MARCHF7: variants seen among roughly 807,000 people sequenced by gnomAD.
MARCHF7 encodes the protein E3 ubiquitin-protein ligase MARCHF7.
Under a neutral mutation model 76.5 loss-of-function variants are expected in MARCHF7, and 20 were observed. The ratio of observed to expected loss-of-function variants is 0.26; its 90% CI spans 0.18 to 0.38. The LOEUF (loss-of-function observed/expected upper bound fraction) is 0.38, where lower values mean the gene tolerates loss of function less well. Ranked by LOEUF, MARCHF7 falls within the 10% of genes least tolerant of loss-of-function variation. The probability of loss-of-function intolerance (pLI) is 1.00; values close to 1 mark genes in which losing one functional copy is unlikely to be tolerated. For synonymous variants in MARCHF7, 295 were observed against 293.0 expected (o/e 1.01, Z -0.07); for missense variants, 797 against 812.9 (o/e 0.98, Z 0.24).
rs1708092130 is a variant in MARCHF7, at chr2:159,770,230, C to CTA, written c.*2890_*2891dup. On this transcript the variant is annotated 3_prime_UTR_variant, in exon 12 of 12. Coordinates refer to ENST00000409175, the MANE Select transcript of MARCHF7 (RefSeq NM_001282805.2). ...GTTCAATATTGACATTAGTAATAGT[C>CTA]TATCAATAATAAAATAGACATCTCA... The CTA allele has an allele frequency of 6.6e-6, 1 of 152,072 alleles. No homozygotes were observed. The highest frequency in any genetic ancestry group is 6.6e-5 in the Admixed American group (1 of 15,266). The allele number at this position is 152,072 out of a possible 1,614,324, so 9.4% of individuals were successfully genotyped here.
intron 9 of MARCHF7, among the ~76,000 whole-genome samples, chr2:159,761,468 G>A (rs1707092394): frequency 7.6e-6 from 1 of 131,042 alleles, no homozygotes; most frequent in South Asian, 2.3e-4. Context: ...AGGCTGGAGT[G>A]CAATGGCATG....
chr2:159,731,993 A>C (rs1476806044), intron 4 of MARCHF7, among the ~76,000 whole-genome samples: 1 of 151,740 alleles, frequency 6.6e-6, no homozygotes, highest in Non-Finnish European at 1.5e-5. Context: ...AGTCCCAGCT[A>C]CTCGGGAGGC....
chr2:159,731,660 A>G (rs1702807510), intron 4 of MARCHF7, among the ~76,000 whole-genome samples: 1 of 151,916 alleles, frequency 6.6e-6, no homozygotes, highest in Non-Finnish European at 1.5e-5. Flanking sequence ...AGGCTGAGGC[A>G]GGAGAATCAC....
At position 159,720,099 on chromosome 2, in the gene MARCHF7, C is replaced by A. The variant is rs189934346; in HGVS notation, c.-15+4333C>A. Among the ~76,000 whole-genome samples, 5 of 152,264 alleles carry A rather than the reference C, an allele frequency of 3.3e-5. No homozygotes were observed. The East Asian group carries it at 7.7e-4, about 24-fold the overall frequency. ...GGGGTGCAGTGGTGCCATCTCGGCTCACTGCAACCTCCGCCTCCTGGATTC... is the reference window on the plus strand; with the variant it reads ...GGGGTGCAGTGGTGCCATCTCGGCTAACTGCAACCTCCGCCTCCTGGATTC... On this transcript the variant is annotated intron_variant, in intron 3 of 11. Transcript: ENST00000409175.
At chr2:159,763,793 T>C (rs1256645236) in intron 10 of MARCHF7, among the ~76,000 whole-genome samples, 1 of 152,226 alleles carries the variant, frequency 6.6e-6, no homozygotes. Context: ...TATGTAATAC[T>C]CCTTCTAAAT....
At chr2:159,747,581 A>T (rs767636306) in intron 6 of MARCHF7, among the ~76,000 whole-genome samples, 81 of 152,260 alleles carry the variant, frequency 5.3e-4, no homozygotes, top group Non-Finnish European at 1.2e-3. Flanking sequence ...TTTCTTTTTT[A>T]TATATTTGTA....
At chr2:159,767,162 A>C in intron 11 of MARCHF7, 122 bp from the exon 12 acceptor site, 1 of 701,200 alleles carries the variant, frequency 1.4e-6, no homozygotes, top group Non-Finnish European at 2.5e-6. Flanking sequence ...CATTTTGATC[A>C]AACAATATAC....
At position 159,718,239 on chromosome 2, in the gene MARCHF7, T is replaced by C. The variant is rs117868804; in HGVS notation, c.-15+2473T>C. On this transcript the variant is annotated intron_variant, in intron 3 of 11. Transcript: ENST00000409175. ...CACTCAGCTAGCGTATTTCTACAAA[T>C]AGAAATTGGCTGATGTGCAAAAATT... is the stretch of plus-strand genomic sequence containing the variant. Among the ~76,000 whole-genome samples, 271 of 152,294 alleles carry C rather than the reference T, an allele frequency of 1.8e-3. 7 individuals are homozygous for C. The East Asian group carries it at 0.027, about 15-fold the overall frequency.
At chr2:159,749,289 A>ACCCTAGTAGGCTCCC in intron 7 of MARCHF7, among the ~76,000 whole-genome samples, 1 of 151,504 alleles carries the variant, frequency 6.6e-6, no homozygotes, top group South Asian at 2.1e-4. Flanking sequence ...AAAACTCTTC[A>ACCCTAGTAGGCTCCC]TTTCAAAATT....
At chr2:159,727,524 C>G (rs1386861882) in intron 3 of MARCHF7, among the ~76,000 whole-genome samples, 12 of 152,082 alleles carry the variant, frequency 7.9e-5, no homozygotes, top group Non-Finnish European at 1.6e-4. Flanking sequence ...GGAGGTGGAG[C>G]TTCCAGTGAG....
At chr2:159,716,159 G>A (rs757375534) in intron 3 of MARCHF7, among the ~76,000 whole-genome samples, 2 of 151,270 alleles carry the variant, frequency 1.3e-5, no homozygotes, top group Non-Finnish European at 2.9e-5. Context: ...GGCCCAAAAT[G>A]TTGTATACTT....
chr2:159,742,864 G>A (rs1704306633), intron 4 of MARCHF7, among the ~76,000 whole-genome samples, 197 bp from the exon 5 acceptor site: 2 of 152,100 alleles, frequency 1.3e-5, no homozygotes, highest in South Asian at 4.1e-4. Context: ...TTGAACCCTG[G>A]AGGCAAAGGT....
rs546612913 is a variant in MARCHF7 at position 159,752,658 on chromosome 2, A to G, written c.1783+87A>G. 163 of 1,199,724 alleles carry G rather than the reference A, an allele frequency of 1.4e-4. 3 individuals are homozygous for G. The South Asian group carries it at 3.1e-3, about 23-fold the overall frequency. 74.3% of individuals were successfully genotyped at this position (1,199,724 alleles called of 1,614,324 possible). On this transcript the variant is annotated intron_variant, in intron 8 of 11. Coordinates refer to ENST00000409175, the MANE Select transcript of MARCHF7 (RefSeq NM_001282805.2). ...GGTTAACAAATTTATAGATTGTTGA[A>G]TTTAGACTTTTAACAAGTGTCTTAA...
intron 4 of MARCHF7, among the ~76,000 whole-genome samples, chr2:159,735,578 G>A (rs1352082269): frequency 2.0e-5 from 3 of 152,094 alleles, no homozygotes; most frequent in Non-Finnish European, 4.4e-5. Context: ...GTAGAAACAG[G>A]TACTATGTAG....
chr2:159,717,765 T>G (rs1326817839), intron 3 of MARCHF7, among the ~76,000 whole-genome samples: 1 of 152,106 alleles, frequency 6.6e-6, no homozygotes, highest in Admixed American at 6.5e-5. Flanking sequence ...TTTTGAAAAC[T>G]AAGTATAAAG....
intron 7 of MARCHF7, among the ~76,000 whole-genome samples, chr2:159,749,830 T>C (rs1242130625): frequency 1.3e-5 from 2 of 152,196 alleles, no homozygotes; most frequent in African/African-American, 2.4e-5. Context: ...CTTAATGTCT[T>C]ACCCAATTCC....
intron 8 of MARCHF7, among the ~76,000 whole-genome samples, chr2:159,756,397 T>C (rs1439432301): frequency 1.3e-5 from 2 of 152,040 alleles, no homozygotes; most frequent in African/African-American, 4.8e-5. Flanking sequence ...TTTTTAAAAA[T>C]ACAGATGGGC....
At chr2:159,736,236 G>A (rs1370443088) in intron 4 of MARCHF7, among the ~76,000 whole-genome samples, 1 of 152,162 alleles carries the variant, frequency 6.6e-6, no homozygotes, top group African/African-American at 2.4e-5. Flanking sequence ...ATTCCCTTTT[G>A]TGTGTATGAA....
chr2:159,761,375 TAAGC>T (rs1707049911), intron 9 of MARCHF7, among the ~76,000 whole-genome samples: 1 of 144,448 alleles, frequency 6.9e-6, no homozygotes. Flanking sequence ...AAGTTAAAAA[TAAGC>T]AACAATAATT....
Sources: gnomAD v4.1 joint callset for allele counts (sites outside exome capture counted in the v4.1 genomes callset) on GRCh38, gnomAD v4.1.1 for gene constraint, MANE v1.5 for transcripts, NCBI Gene and HGNC (gene_info 2026-07-23, HGNC 2026-07-21) for gene names.